PNCK: variants seen among roughly 807,000 people sequenced by gnomAD.
The protein encoded by PNCK is pregnancy up-regulated nonubiquitous CaM kinase, also known as calcium/calmodulin-dependent protein kinase type 1B.
A neutral mutation model predicts 28.3 loss-of-function variants in PNCK; 21 were observed. That is an observed-to-expected ratio of 0.74 (90% CI 0.53 to 1.07). The LOEUF (loss-of-function observed/expected upper bound fraction) is 1.07. Among genes scored for constraint, PNCK ranks in the 50% least tolerant of loss-of-function variants. PNCK has a pLI of 0.00. For synonymous variants in PNCK, 136 were observed against 125.2 expected (o/e 1.09, Z -0.58); for missense variants, 250 against 298.3 (o/e 0.84, Z 1.19).
In PNCK at chrX:153,669,779, G is replaced by A. The variant is rs782076057; in HGVS notation, c.*359C>T. The A allele has an allele frequency of 2.1e-4, 73 of 341,527 alleles. No individual in the cohort carries two copies. Among genetic ancestry groups the A allele is most frequent in the Non-Finnish European group, 4.1e-4 (69 of 170,000 alleles). The allele number at this position is 341,527 out of a possible 1,213,427, so 28.1% of individuals were successfully genotyped here. On this transcript the variant is annotated 3_prime_UTR_variant, in exon 12 of 12. Transcript: ENST00000340888. ...GTTTGGGGAAAACTGGAGGGGGCTG[G>A]AAGGCCATGACCATGACACAAGCAG... is the stretch of plus-strand genomic sequence containing the variant.
chrX:153,685,267 T>A (rs1446480924), intron 1 of PNCK, among the ~76,000 whole-genome samples: 1 of 110,855 alleles, frequency 9.0e-6, no homozygotes, highest in East Asian at 2.9e-4. Context: ...CTTTGAAGCC[T>A]TCGGACGTGG....
In PNCK at chrX:153,672,563, C is replaced by T. The variant is rs1557040296; in HGVS notation, c.200+3G>A. 8.3e-7 allele frequency: 1 copy of T among 1,205,215 alleles called. No individual in the cohort carries two copies. The highest frequency in any genetic ancestry group is 3.0e-5 in the East Asian group (1 of 33,840). On this transcript the variant is annotated splice_donor_region_variant and intron_variant, in intron 3 of 11. Coordinates refer to ENST00000340888, the MANE Select transcript of PNCK (RefSeq NM_001366977.1). Reference sequence around the variant, plus strand: ...CCGTCCCAGGGCCCCGCGAGGTGCGCACCTACGGAGCACTGCGATCTCGTT... The same window carrying T: ...CCGTCCCAGGGCCCCGCGAGGTGCGTACCTACGGAGCACTGCGATCTCGTT...
At chrX:153,672,520 C>T (rs886473337) in intron 3 of PNCK, 46 bp downstream of exon 3, 21 of 1,183,350 alleles carry the variant, frequency 1.8e-5, no homozygotes, top group Admixed American at 2.3e-5. Context: ...TGCTTGCACC[C>T]CCCCATCGAC....
chrX:153,670,242 T>A, intron 11 of PNCK, 112 bp from the exon 12 acceptor site: 7 of 491,668 alleles, frequency 1.4e-5, no homozygotes, highest in African/African-American at 2.5e-5. Context: ...CCTCTCCCCC[T>A]GCACCCCCTT....
intron 1 of PNCK, among the ~76,000 whole-genome samples, chrX:153,683,543 A>C (rs1557042744): frequency 9.1e-6 from 1 of 110,451 alleles, no homozygotes; most frequent in East Asian, 2.8e-4. Context: ...TCCCGGGTTC[A>C]AGCGATTTCC....
At chrX:153,678,829 TTCTG>T (rs1392441056), upstream of PNCK, among the ~76,000 whole-genome samples, 1 of 99,494 alleles carries the variant, frequency 1.0e-5, no homozygotes, top group East Asian at 2.9e-4. Flanking sequence ...TGGATCCGTT[TTCTG>T]TCTTTTTTTT....
At chrX:153,672,232 C>G (rs1557040231) in intron 3 of PNCK, 32 bp from the exon 4 acceptor site, 5 of 1,173,960 alleles carry the variant, frequency 4.3e-6, no homozygotes, top group African/African-American at 1.8e-5. Context: ...TGTGGGCCAA[C>G]AGAGTCAAGG....
At chrX:153,674,346 T>A, upstream of PNCK, 1 of 658,754 alleles carries the variant, frequency 1.5e-6, no homozygotes, top group Non-Finnish European at 2.1e-6. Context: ...TGCAGCTCTC[T>A]ATGTCAATCC....
At chrX:153,672,887 A>T (rs2091324000) in intron 2 of PNCK, 122 bp downstream of exon 2, 1 of 947,110 alleles carries the variant, frequency 1.1e-6, no homozygotes, top group East Asian at 3.4e-5. Flanking sequence ...ACCCCTACAT[A>T]TTCACACACA....
At chrX:153,678,612 C>T (rs568533784), upstream of PNCK, among the ~76,000 whole-genome samples, 4 of 111,856 alleles carry the variant, frequency 3.6e-5, no homozygotes, top group South Asian at 3.7e-4. Context: ...TAGAGTGCGG[C>T]GCTTATGTGT....
intron 1 of PNCK, chrX:153,686,362 C>G (rs1446819384): frequency 2.7e-5 from 3 of 111,396 alleles, no homozygotes; most frequent in Non-Finnish European, 5.7e-5. Flanking sequence ...AAAGTCTCCC[C>G]TGCCCGCGGC....
In PNCK at chrX:153,670,091, A is replaced by C; in HGVS notation, c.*47T>G. 1 of 290,497 alleles carries C rather than the reference A, an allele frequency of 3.4e-6. No homozygotes were observed. Among genetic ancestry groups the C allele is most frequent in the Non-Finnish European group, 6.4e-6 (1 of 156,660 alleles). 23.9% of individuals were successfully genotyped at this position (290,497 alleles called of 1,213,427 possible). A position where few individuals can be genotyped will look rare whatever the true frequency, so the allele number is the denominator to read the frequency against. ...GAGGGGACCGAAAGCATCCAAGGGA[A>C]GGAAATCTGGGGGTCAGTCCACTTG... On this transcript the variant is annotated 3_prime_UTR_variant, in exon 12 of 12. Transcript: ENST00000340888.
upstream of PNCK, chrX:153,673,849 G>T (rs1229946078): frequency 4.0e-6 from 3 of 757,927 alleles, no homozygotes; most frequent in Non-Finnish European, 4.7e-6. Flanking sequence ...GCGCCCCGCC[G>T]GCCCCGCCCC....
At chrX:153,682,334 G>A (rs948666578) in intron 1 of PNCK, among the ~76,000 whole-genome samples, 1 of 111,911 alleles carries the variant, frequency 8.9e-6, no homozygotes, top group East Asian at 2.8e-4. Flanking sequence ...AGGCTGGAGT[G>A]CAGTGGTACA....
rs1603204992 is a variant in PNCK at position 153,673,220 on chromosome X, A to C, written c.-2-142T>G. ...CCTCCCCTCCCCCGTCCAGGTCCAC[A>C]CCCCCAGACGGACGCCTCCCAGCGA... On this transcript the variant is annotated intron_variant, in intron 1 of 11. Coordinates refer to ENST00000340888, the MANE Select transcript of PNCK (RefSeq NM_001366977.1). 8.5e-7 allele frequency: 1 copy of C among 1,169,886 alleles called. No individual in the cohort carries two copies. Among genetic ancestry groups the C allele is most frequent in the Non-Finnish European group, 1.1e-6 (1 of 877,954 alleles).
chrX:153,682,417 G>A (rs1320204832), intron 1 of PNCK, among the ~76,000 whole-genome samples: 1 of 111,641 alleles, frequency 9.0e-6, no homozygotes, highest in African/African-American at 3.3e-5. Context: ...ATAGCTGGGA[G>A]CACAGGTGCG....
intron 11 of PNCK, 49 bp downstream of exon 11, chrX:153,670,401 G>C (rs1214332334): frequency 1.7e-6 from 2 of 1,204,392 alleles, no homozygotes; most frequent in African/African-American, 3.5e-5. Context: ...CACCCTCTAA[G>C]CTCTCCAAGG....
At chrX:153,680,951 C>G (rs782396130) in intron 1 of PNCK, among the ~76,000 whole-genome samples, 6 of 106,939 alleles carry the variant, frequency 5.6e-5, no homozygotes, top group Non-Finnish European at 9.6e-5. Flanking sequence ...ATTGCTTTAG[C>G]CCAGGAGGCG....
chrX:153,680,758 G>A (rs1330054225), intron 1 of PNCK, among the ~76,000 whole-genome samples: 2 of 109,849 alleles, frequency 1.8e-5, no homozygotes, highest in East Asian at 2.9e-4. Context: ...GGCTGGGCGC[G>A]GTGGCTCATG....
Sources: allele counts gnomAD v4.1 joint callset (sites outside exome capture counted in the v4.1 genomes callset), GRCh38; gene constraint gnomAD v4.1.1; transcripts MANE v1.5; gene names NCBI Gene and HGNC (gene_info 2026-07-23, HGNC 2026-07-21).